HEPH: variants seen among roughly 807,000 people sequenced by gnomAD.
HEPH encodes hephaestin.
A neutral mutation model predicts 80.8 loss-of-function variants in HEPH; 69 were observed. The ratio of observed to expected loss-of-function variants is 0.85; its 90% CI spans 0.70 to 1.04. HEPH has a LOEUF of 1.04. Ranked by LOEUF, HEPH falls within the 50% of genes least tolerant of loss-of-function variation. HEPH has a pLI of 0.00. For synonymous variants in HEPH, 431 were observed against 322.8 expected (o/e 1.34, Z -3.60); for missense variants, 1,115 against 891.3 (o/e 1.25, Z -3.20).
At chrX:66,203,687 C>A in intron 13 of HEPH, 110 bp downstream of exon 13, 3 of 638,525 alleles carry the variant, frequency 4.7e-6, no homozygotes, top group Non-Finnish European at 4.8e-6. Context: ...TAATGTGATA[C>A]CAACAGATTT....
chrX:66,266,131 T>TC (rs1476839160), intron 20 of HEPH, among the ~76,000 whole-genome samples: 1 of 111,291 alleles, frequency 9.0e-6, no homozygotes, highest in Non-Finnish European at 1.9e-5. Context: ...AATTCATCTT[T>TC]TTTTTTTATA....
intron 4 of HEPH, among the ~76,000 whole-genome samples, chrX:66,176,593 C>T (rs1037210980): frequency 9.0e-6 from 1 of 111,440 alleles, no homozygotes; most frequent in African/African-American, 3.3e-5. Flanking sequence ...TGGTGCGCTG[C>T]ACCCATTACC....
intron 15 of HEPH, among the ~76,000 whole-genome samples, chrX:66,232,740 AATAC>A (rs2090202022): frequency 9.0e-6 from 1 of 111,407 alleles, no homozygotes; most frequent in Non-Finnish European, 1.9e-5. Context: ...ATATATAAAA[AATAC>A]ATAAATAGCA....
Position 66,172,207 on chromosome X carries a change from C to T in HEPH, c.168-148C>T, listed in dbSNP as rs932141521. On this transcript the variant is annotated intron_variant, in intron 2 of 20. Transcript: ENST00000343002. ...AAATTTTTAATAGTTAAATCTAAAA[C>T]TTTCATGTTTTGATCAGTACAATGC... 4.8e-5 allele frequency: 21 copies of T among 441,057 alleles called. No individual in the cohort carries two copies. In the African/African-American group the frequency reaches 4.8e-4, roughly 10 times the overall value. 36.3% of individuals were successfully genotyped at this position (441,057 alleles called of 1,213,427 possible).
chrX:66,249,405 C>A (rs755160343), intron 15 of HEPH, among the ~76,000 whole-genome samples: 3 of 111,693 alleles, frequency 2.7e-5, no homozygotes, highest in East Asian at 5.6e-4. Flanking sequence ...CAATATTATT[C>A]TTATTCTGTG....
chrX:66,179,211 G>C (rs190925217), intron 4 of HEPH, among the ~76,000 whole-genome samples: 5 of 111,662 alleles, frequency 4.5e-5, no homozygotes, highest in Admixed American at 3.8e-4. Context: ...GAATCCTTTC[G>C]CCATTTCTTG....
intron 19 of HEPH, among the ~76,000 whole-genome samples, chrX:66,263,001 T>C (rs767625560): frequency 1.8e-5 from 2 of 110,637 alleles, no homozygotes; most frequent in Non-Finnish European, 3.8e-5. Context: ...GAGGCTTGAG[T>C]ATTTGATGGG....
At chrX:66,228,929 C>T (rs201663600) in intron 15 of HEPH, among the ~76,000 whole-genome samples, 5 of 111,985 alleles carry the variant, frequency 4.5e-5, no homozygotes, top group Admixed American at 9.5e-5. Flanking sequence ...AAACTGTTGG[C>T]GGAAATGTAA....
chrX:66,205,205 G>C (rs935209967), intron 13 of HEPH, among the ~76,000 whole-genome samples: 2 of 111,547 alleles, frequency 1.8e-5, no homozygotes, highest in African/African-American at 6.5e-5. Flanking sequence ...CTGAGGTTTG[G>C]GGTACAGATC....
chrX:66,235,043 G>A (rs1456653068), intron 15 of HEPH, among the ~76,000 whole-genome samples: 1 of 110,684 alleles, frequency 9.0e-6, no homozygotes, highest in Non-Finnish European at 1.9e-5. Flanking sequence ...CTTTTAAATG[G>A]GGTTGTTTTT....
intron 15 of HEPH, among the ~76,000 whole-genome samples, chrX:66,234,422 G>A (rs936678603): frequency 4.5e-5 from 5 of 111,432 alleles, no homozygotes; most frequent in African/African-American, 1.6e-4. Context: ...TATTATTTGA[G>A]TATATACCCA....
intron 15 of HEPH, among the ~76,000 whole-genome samples, chrX:66,251,540 A>T (rs111263415): frequency 9.0e-6 from 1 of 111,435 alleles, no homozygotes; most frequent in African/African-American, 3.3e-5. Flanking sequence ...CCTATTTTTA[A>T]TTGGGCTGTT....
intron 4 of HEPH, among the ~76,000 whole-genome samples, chrX:66,186,374 C>T (rs2087436866): frequency 9.0e-6 from 1 of 110,689 alleles, no homozygotes; most frequent in African/African-American, 3.3e-5. Flanking sequence ...GCGTAGGACC[C>T]TCTGAGCCAG....
chrX:66,218,687 A>G (rs1460062092), intron 15 of HEPH, among the ~76,000 whole-genome samples: 1 of 110,778 alleles, frequency 9.0e-6, no homozygotes, highest in African/African-American at 3.3e-5. Context: ...TGTCCCTTTT[A>G]AGGGCTCACA....
At position 66,197,872 on chromosome X, in the gene HEPH, C is replaced by T. The variant is rs894945901; in HGVS notation, c.1691C>T (p.Ala564Val). The change falls in exon 10 of 21, where the codon GCC (alanine) becomes GTC (valine). Residue 564 changes from alanine (A) to valine (V), a missense_variant. Around this residue, in one of 3 missense-constraint regions of HEPH, gnomAD observed 716 missense variants for 523.5 expected, o/e 1.37. Coordinates refer to ENST00000343002, the MANE Select transcript of HEPH (RefSeq NM_001367233.3). ...VGPLLVCRAG[A>V]LGADGKQKGV... is the part of the protein sequence containing the mutation. ...CCGCTGCTGGTGTGCAGGGCTGGTG[C>T]CTTGGGTGCAGATGGCAAGCAGGTA... 16 of 1,200,637 alleles carry T rather than the reference C, an allele frequency of 1.3e-5. No individual in the cohort carries two copies. The highest frequency in any genetic ancestry group is 1.8e-5 in the Non-Finnish European group (16 of 890,299).
intron 15 of HEPH, among the ~76,000 whole-genome samples, chrX:66,214,715 TATAG>T (rs1476616229): frequency 1.1e-5 from 1 of 92,830 alleles, no homozygotes; most frequent in Non-Finnish European, 2.1e-5. Flanking sequence ...TTTTTCTTTA[TATAG>T]AAAGAAAATT....
intron 12 of HEPH, among the ~76,000 whole-genome samples, chrX:66,202,984 A>G (rs1352523823): frequency 9.5e-6 from 1 of 104,761 alleles, no homozygotes; most frequent in Non-Finnish European, 1.9e-5. Context: ...ATGTATATAT[A>G]TATGATTTAT....
chrX:66,253,229 C>T (rs1040695361), intron 15 of HEPH, among the ~76,000 whole-genome samples: 7 of 112,085 alleles, frequency 6.2e-5, no homozygotes, highest in African/African-American at 2.3e-4. Context: ...GGAACTATTG[C>T]TTGATGTCAT....
intron 15 of HEPH, among the ~76,000 whole-genome samples, chrX:66,236,397 C>T (rs942433707): frequency 9.0e-6 from 1 of 111,701 alleles, no homozygotes. Context: ...TTTAGTTCTG[C>T]TTATGAGATG....
Sources: allele counts gnomAD v4.1 joint callset (sites outside exome capture counted in the v4.1 genomes callset), GRCh38; gene constraint gnomAD v4.1.1; regional missense constraint gnomAD v4.1.1; transcripts MANE v1.5; gene names NCBI Gene and HGNC (gene_info 2026-07-23, HGNC 2026-07-21).